The following KHDRBS2 variants were observed in gnomAD, a reference collection of about 807,000 sequenced individuals.
KHDRBS2 encodes KH domain-containing, RNA-binding, signal transduction-associated protein 2.
KHDRBS2 carries 26 observed loss-of-function variants against 44.3 expected under a neutral mutation model. That is an observed-to-expected ratio of 0.59 (90% CI 0.43 to 0.81). The LOEUF is 0.81. KHDRBS2 is among the 40% of genes least tolerant of loss of function. The pLI is 0.00. For synonymous variants in KHDRBS2, 194 were observed against 151.1 expected (o/e 1.28, Z -2.08); for missense variants, 476 against 433.1 (o/e 1.10, Z -0.88).
chr6:62,093,278 T>C (rs1036967024), intron 2 of KHDRBS2, among the ~76,000 whole-genome samples: 1 of 151,670 alleles, frequency 6.6e-6, no homozygotes, highest in Non-Finnish European at 1.5e-5. Flanking sequence ...CTCAGATGGC[T>C]TTACTAAATC....
rs1012716118 is a variant in KHDRBS2 at position 62,169,999 on chromosome 6, C to A, written c.219+7186G>T. 3.3e-5 allele frequency among the ~76,000 whole-genome samples: 5 copies of A among 151,650 alleles called. No homozygotes were observed. In the South Asian group the frequency reaches 1.0e-3, roughly 32 times the overall value. On this transcript the variant is annotated intron_variant, in intron 2 of 8. Transcript: ENST00000281156. The stretch of plus-strand genomic sequence containing the variant: ...AGCCTTCTTACAGTCTTAGAAAATA[C>A]CCAGATAGCAGGGCAGGTGACTTCA...
At chr6:62,036,277 T>G in intron 3 of KHDRBS2, among the ~76,000 whole-genome samples, 1 of 152,064 alleles carries the variant, frequency 6.6e-6, no homozygotes. Context: ...ACCACTCAAC[T>G]TTATAGAGGC....
intron 1 of KHDRBS2, among the ~76,000 whole-genome samples, chr6:62,185,706 A>G (rs897569098): frequency 5.3e-5 from 8 of 151,894 alleles, no homozygotes; most frequent in African/African-American, 1.9e-4. Context: ...ATCACTACTC[A>G]TTTATTTTAA....
chr6:61,633,617 A>T, the KHDRBS2 span, among the ~76,000 whole-genome samples: 1 of 152,114 alleles, frequency 6.6e-6, no homozygotes, highest in Admixed American at 6.6e-5. Flanking sequence ...TGAGAACATC[A>T]ACTCCTTAAA....
At chr6:62,246,469 G>A (rs968482849) in intron 1 of KHDRBS2, among the ~76,000 whole-genome samples, 2 of 151,894 alleles carry the variant, frequency 1.3e-5, no homozygotes. Flanking sequence ...TTTAGACAGG[G>A]AGGCTATATA....
chr6:62,036,739 AC>A (rs1289190205), intron 3 of KHDRBS2, among the ~76,000 whole-genome samples: 5 of 152,004 alleles, frequency 3.3e-5, no homozygotes, highest in African/African-American at 1.2e-4. Context: ...GGTATTTCAC[AC>A]CCAATAGTTA....
the KHDRBS2 span, among the ~76,000 whole-genome samples, chr6:61,611,331 C>T: frequency 6.6e-6 from 1 of 152,128 alleles, no homozygotes; most frequent in Admixed American, 6.5e-5. Flanking sequence ...TACCCAATCA[C>T]CTTATGAAAA....
At chr6:61,596,297 G>T in the KHDRBS2 span, among the ~76,000 whole-genome samples, 52 of 152,272 alleles carry the variant, frequency 3.4e-4, no homozygotes, top group Non-Finnish European at 6.2e-4. Context: ...GCTAACAGGG[G>T]AAGCCAAAAT....
At chr6:61,628,458 G>A in the KHDRBS2 span, among the ~76,000 whole-genome samples, 2 of 152,010 alleles carry the variant, frequency 1.3e-5, no homozygotes. Flanking sequence ...CGCAGCTGCA[G>A]GGGAACCTGC....
chr6:62,114,837 A>G (rs564471403), intron 2 of KHDRBS2, among the ~76,000 whole-genome samples: 1 of 147,050 alleles, frequency 6.8e-6, no homozygotes, highest in South Asian at 2.1e-4. Context: ...GCCATACAAT[A>G]AATGCATGTT....
At chr6:61,980,202 G>T (rs1178965538) in intron 3 of KHDRBS2, among the ~76,000 whole-genome samples, 1 of 152,124 alleles carries the variant, frequency 6.6e-6, no homozygotes, top group Non-Finnish European at 1.5e-5. Flanking sequence ...CTCTTTGTAG[G>T]AAGATTATTG....
intron 2 of KHDRBS2, among the ~76,000 whole-genome samples, chr6:62,056,669 A>T (rs1584403362): frequency 6.6e-6 from 1 of 152,006 alleles, no homozygotes; most frequent in South Asian, 2.1e-4. Context: ...AATGTCACTG[A>T]ACTTCTCTTT....
intron 6 of KHDRBS2, among the ~76,000 whole-genome samples, chr6:61,822,300 C>T (rs1398851086): frequency 6.6e-6 from 1 of 151,874 alleles, no homozygotes; most frequent in East Asian, 1.9e-4. Context: ...TCGACATTTA[C>T]CCAGTTTTCC....
At chr6:61,564,160 G>A in the KHDRBS2 span, among the ~76,000 whole-genome samples, 5 of 152,156 alleles carry the variant, frequency 3.3e-5, no homozygotes, top group South Asian at 4.2e-4. Flanking sequence ...GCACTAATCA[G>A]CTACTTCTTC....
the KHDRBS2 span, among the ~76,000 whole-genome samples, chr6:61,618,897 G>A: frequency 5.1e-4 from 78 of 152,200 alleles, 1 homozygote; most frequent in South Asian, 0.013. Context: ...TCTCAAATGC[G>A]TTATTTATTT....
chr6:61,904,957 C>T (rs7751463), intron 4 of KHDRBS2, among the ~76,000 whole-genome samples: 132,183 of 152,170 alleles, frequency 0.87, 57,851 homozygotes, highest in African/African-American at 0.95. Context: ...TAAATCCATT[C>T]ATGATAATGA....
chr6:61,694,479 CCA>C (rs1767691335), intron 8 of KHDRBS2, among the ~76,000 whole-genome samples: 2 of 152,036 alleles, frequency 1.3e-5, no homozygotes, highest in Admixed American at 6.6e-5. Flanking sequence ...AAAGAAAGGC[CCA>C]GTTTGTGTCT....
At chr6:61,933,914 CCAACAGTGTATAAGGGTTCCAT>C (rs1426415965) in intron 4 of KHDRBS2, among the ~76,000 whole-genome samples, 1 of 152,114 alleles carries the variant, frequency 6.6e-6, no homozygotes, top group East Asian at 1.9e-4. Flanking sequence ...TACATTTCTA[CCAACAGTGTATAAGGGTTCCAT>C]TTTCTCCATA....
chr6:62,020,149 A>T (rs774293750), intron 3 of KHDRBS2, among the ~76,000 whole-genome samples: 5 of 152,016 alleles, frequency 3.3e-5, no homozygotes, highest in Non-Finnish European at 5.9e-5. Flanking sequence ...TAATGCCTAT[A>T]GTCCTTTTCT....
Sources: gnomAD v4.1 joint callset for allele counts (sites outside exome capture counted in the v4.1 genomes callset) on GRCh38, gnomAD v4.1.1 for gene constraint, MANE v1.5 for transcripts, NCBI Gene and HGNC (gene_info 2026-07-23, HGNC 2026-07-21) for gene names.